The following DGAT2L6 variants were observed in gnomAD, a reference collection of about 807,000 sequenced individuals.
DGAT2L6 encodes diacylglycerol O-acyltransferase 2 like 6, also known as diacylglycerol O-acyltransferase 2-like protein 6.
In DGAT2L6, 22 loss-of-function variants were observed where a neutral mutation model predicts 25.5. The observed-to-expected ratio is 0.86, with a 90% confidence interval of 0.62 to 1.23. The LOEUF (loss-of-function observed/expected upper bound fraction) is 1.23. DGAT2L6 is among the 50% of genes most tolerant of loss of function. DGAT2L6 has a pLI of 0.00. For synonymous variants in DGAT2L6, 100 were observed against 94.7 expected (o/e 1.06, Z -0.32); for missense variants, 287 against 253.2 (o/e 1.13, Z -0.91).
At chrX:70,177,848 C>T (rs2085331721) in intron 1 of DGAT2L6, among the ~76,000 whole-genome samples, 181 bp downstream of exon 1, 1 of 110,580 alleles carries the variant, frequency 9.0e-6, no homozygotes, top group African/African-American at 3.3e-5. Context: ...TACTCCAGGC[C>T]AGGCACGGTG....
chrX:70,192,950 CAT>C (rs927460359), intron 1 of DGAT2L6, among the ~76,000 whole-genome samples: 1 of 111,576 alleles, frequency 9.0e-6, no homozygotes, highest in Non-Finnish European at 1.9e-5. Flanking sequence ...AGAAGAAATG[CAT>C]ATGTTTCTAG....
intron 5 of DGAT2L6, 116 bp downstream of exon 5, chrX:70,202,180 T>C: frequency 1.5e-6 from 1 of 658,746 alleles, no homozygotes; most frequent in Non-Finnish European, 2.1e-6. Context: ...TCACTCTAAT[T>C]CCTTCTGTCT....
At chrX:70,202,138 CTCCCT>C in intron 5 of DGAT2L6, 74 bp downstream of exon 5, 2 of 950,619 alleles carry the variant, frequency 2.1e-6, no homozygotes, top group Non-Finnish European at 2.7e-6. Context: ...GAATGGTGCC[CTCCCT>C]GGGCACCTGT....
Position 70,201,948 on chromosome X carries a change from C to T in DGAT2L6, c.531C>T (p.Gly177=), listed in dbSNP as rs1334973913. Residue 177 remains glycine, a synonymous_variant, in exon 5 of 7, where the codon GGC becomes GGT. Transcript: ENST00000333026. ...LKYLLTQKGS[G]NAVVIVVGGA... is the part of the protein sequence containing the mutation. ...ACTTGCTGACCCAGAAAGGCTCAGG[C>T]AATGCCGTGGTTATTGTGGTGGGTG... 1.7e-6 allele frequency: 2 copies of T among 1,209,166 alleles called. No individual in the cohort carries two copies. Among genetic ancestry groups the T allele is most frequent in the South Asian group, 3.5e-5 (2 of 56,521 alleles).
rs772134673 is a variant in DGAT2L6 at position 70,204,991 on chromosome X, A to G, written c.899A>G (p.Asn300Ser). The G allele has an allele frequency of 1.7e-6, 2 of 1,198,559 alleles. No homozygotes were observed. The highest frequency in any genetic ancestry group is 2.2e-6 in the Non-Finnish European group (2 of 890,847). The change falls in exon 7 of 7, where the codon AAC (asparagine) becomes AGC (serine). Residue 300 changes from asparagine (N) to serine (S), a missense_variant. Coordinates refer to ENST00000333026, the MANE Select transcript of DGAT2L6 (RefSeq NM_198512.3). ...CCAATTCCCAGGATTAAGAGGCCAA[A>G]CCAGAAGACAGTAGACAAGTATCAC... is the stretch of plus-strand genomic sequence containing the variant. ...PLPIPRIKRPNQKTVDKYHAL... is the reference protein window; with the variant it reads ...PLPIPRIKRPSQKTVDKYHAL...
At chrX:70,182,429 T>C (rs2085345981) in intron 1 of DGAT2L6, among the ~76,000 whole-genome samples, 1 of 105,030 alleles carries the variant, frequency 9.5e-6, no homozygotes, top group African/African-American at 3.5e-5. Flanking sequence ...CCCTCTCCAA[T>C]CTATTCCAGT....
intron 1 of DGAT2L6, among the ~76,000 whole-genome samples, chrX:70,181,914 C>T (rs2147601588): frequency 8.9e-6 from 1 of 111,814 alleles, no homozygotes; most frequent in South Asian, 3.8e-4. Flanking sequence ...TACTGCAATC[C>T]CTCTAAGTCT....
chrX:70,204,211 T>G, intron 5 of DGAT2L6, 94 bp from the exon 6 acceptor site: 2 of 708,877 alleles, frequency 2.8e-6, no homozygotes, highest in Non-Finnish European at 4.2e-6. Flanking sequence ...GTTCTTGTCC[T>G]ATAATGGGGA....
At position 70,205,113 on chromosome X, in the gene DGAT2L6, C is replaced by G. The variant is rs771138235; in HGVS notation, c.*7C>G. On this transcript the variant is annotated 3_prime_UTR_variant, in exon 7 of 7. Transcript: ENST00000333026. ...AGAGCTGACAATTACATAACAGGAGCCACATTCCCCATTGATCAACCCCCA... is the reference window on the plus strand; with the variant it reads ...AGAGCTGACAATTACATAACAGGAGGCACATTCCCCATTGATCAACCCCCA... 5.1e-6 allele frequency: 6 copies of G among 1,178,756 alleles called. No individual in the cohort carries two copies. The East Asian group carries it at 1.2e-4, about 24-fold the overall frequency.
intron 1 of DGAT2L6, among the ~76,000 whole-genome samples, chrX:70,187,760 C>A (rs1471811618): frequency 1.8e-5 from 2 of 111,864 alleles, no homozygotes; most frequent in South Asian, 3.7e-4. Flanking sequence ...TGGCTTTGAC[C>A]AAGTGGTAGC....
intron 1 of DGAT2L6, among the ~76,000 whole-genome samples, chrX:70,179,296 T>G (rs1384148706): frequency 1.8e-5 from 2 of 111,831 alleles, no homozygotes; most frequent in East Asian, 5.6e-4. Context: ...TAGTTTCCTT[T>G]TGTTTTCCTT....
chrX:70,183,086 T>C (rs2085348900), intron 1 of DGAT2L6, among the ~76,000 whole-genome samples: 1 of 112,489 alleles, frequency 8.9e-6, no homozygotes, highest in African/African-American at 3.2e-5. Context: ...AGCCACCGCC[T>C]CAAAAGCATA....
intron 1 of DGAT2L6, among the ~76,000 whole-genome samples, chrX:70,196,516 A>AAAAAAAAAAAAAAGAAAAAAGAG (rs2085392390): frequency 2.0e-5 from 2 of 101,023 alleles, no homozygotes; most frequent in Non-Finnish European, 4.1e-5. Context: ...AGAAAAAAGA[A>AAAAAAAAAAAAAAGAAAAAAGAG]AAAAAAAGAA....
chrX:70,192,373 T>A lies in DGAT2L6; in HGVS notation c.86-6898T>A, dbSNP rs1276880066. On this transcript the variant is annotated intron_variant, in intron 1 of 6. Transcript: ENST00000333026. ...TAAGTTGAAATGAAAGGATACTAAA[T>A]AACAACATTAAAACATATAAAAATA... Among the ~76,000 whole-genome samples, 4 of 112,237 alleles carry A rather than the reference T, an allele frequency of 3.6e-5. No individual in the cohort carries two copies. In the Admixed American group the frequency reaches 3.8e-4, roughly 11 times the overall value.
In DGAT2L6 at chrX:70,202,054, C is replaced by T; in HGVS notation, c.637C>T (p.Leu213=). The T allele has an allele frequency of 8.4e-7, 1 of 1,191,583 alleles. No homozygotes were observed. The highest frequency in any genetic ancestry group is 1.1e-6 in the Non-Finnish European group (1 of 886,002). Residue 213 remains leucine (L), a synonymous_variant, in exon 5 of 7, where the codon CTG becomes TTG. Transcript: ENST00000333026. The part of the protein sequence containing the change: ...KQRKGFVKMA[L]QTGAYLVPSY... Reference sequence around the variant, plus strand: ...GCGTAAAGGTTTTGTGAAGATGGCACTGCAAACAGGGTGGGTTCCAAGGTT... The same window carrying T: ...GCGTAAAGGTTTTGTGAAGATGGCATTGCAAACAGGGTGGGTTCCAAGGTT...
At chrX:70,194,106 A>G (rs768669200) in intron 1 of DGAT2L6, among the ~76,000 whole-genome samples, 39 of 112,051 alleles carry the variant, frequency 3.5e-4, no homozygotes, top group Non-Finnish European at 6.4e-4. Flanking sequence ...CTGACAATAA[A>G]CTATCCAAAA....
Position 70,201,619 on chromosome X carries a change from A to C in DGAT2L6, c.473-271A>C, listed in dbSNP as rs930402455. ...GTGGGCTTAGATACTATTGATCTGAAATGCAGTAGGCTATGGATGGTAGGA... is the reference window on the plus strand; with the variant it reads ...GTGGGCTTAGATACTATTGATCTGACATGCAGTAGGCTATGGATGGTAGGA... On this transcript the variant is annotated intron_variant, in intron 4 of 6. Coordinates refer to ENST00000333026, the MANE Select transcript of DGAT2L6 (RefSeq NM_198512.3). Among the ~76,000 whole-genome samples the C allele has an allele frequency of 6.3e-5, 7 of 110,430 alleles. No homozygotes were observed. The Admixed American group carries it at 6.8e-4, about 11-fold the overall frequency.
intron 1 of DGAT2L6, among the ~76,000 whole-genome samples, chrX:70,190,488 A>C (rs770467505): frequency 1.8e-5 from 2 of 111,626 alleles, no homozygotes; most frequent in Non-Finnish European, 3.8e-5. Context: ...ACTGTGGTGA[A>C]GGTTACAGAC....
chrX:70,189,752 C>G (rs907684249), intron 1 of DGAT2L6, among the ~76,000 whole-genome samples: 1 of 111,798 alleles, frequency 8.9e-6, no homozygotes. Flanking sequence ...GATGTATTCT[C>G]AAATACAAAC....
Sources: gnomAD v4.1 joint callset for allele counts (sites outside exome capture counted in the v4.1 genomes callset) on GRCh38, gnomAD v4.1.1 for gene constraint, MANE v1.5 for transcripts, NCBI Gene and HGNC (gene_info 2026-07-23, HGNC 2026-07-21) for gene names.